LIFR: variants seen among roughly 807,000 people sequenced by gnomAD.
LIFR encodes LIF receptor subunit alpha.
Under a neutral mutation model 122.2 loss-of-function variants are expected in LIFR, and 84 were observed. The observed-to-expected ratio is 0.69, with a 90% CI of 0.58 to 0.82. The LOEUF is 0.82. Ranked by LOEUF, LIFR falls within the 40% of genes least tolerant of loss-of-function variation. The pLI is 0.00. For missense variants in LIFR, 1,294 were observed against 1,311.6 expected, an observed-to-expected ratio of 0.99 and a Z score of 0.21; for synonymous variants, 422 against 434.7, an observed-to-expected ratio of 0.97 and a Z score of 0.36.
chr5:38,504,414 C>CCAAAA (rs1745345230), intron 9 of LIFR, among the ~76,000 whole-genome samples: 1 of 28,234 alleles, frequency 3.5e-5, no homozygotes, highest in African/African-American at 2.1e-4. Context: ...TAGGGAATGA[C>CCAAAA]CAAAAAAAAA....
chr5:38,528,873 CACACAG>C (rs1013352077), intron 2 of LIFR, 33 bp from the exon 3 acceptor site: 15 of 494,216 alleles, frequency 3.0e-5, no homozygotes, highest in East Asian at 1.4e-4. Flanking sequence ...CACACACACA[CACACAG>C]ACACACATAA....
At position 38,486,143 on chromosome 5, in the gene LIFR, G is replaced by A. The variant is rs138899075; in HGVS notation, c.2336-163C>T. On this transcript the variant is annotated intron_variant, in intron 16 of 19. Coordinates refer to ENST00000453190, the MANE Select transcript of LIFR (RefSeq NM_001127671.2). Reference sequence around the variant, plus strand: ...TACCTTGTTCAAGCTCTACCCCCACGCCAGTCATTAGCTGTGTCGTATGGG... The same window carrying A: ...TACCTTGTTCAAGCTCTACCCCCACACCAGTCATTAGCTGTGTCGTATGGG... Among the ~76,000 whole-genome samples the A allele has an allele frequency of 3.2e-3, 488 of 152,208 alleles. 6 individuals carry two copies. Among genetic ancestry groups the A allele is most frequent in the African/African-American group, 0.011 (447 of 41,520 alleles).
intron 1 of LIFR, among the ~76,000 whole-genome samples, chr5:38,542,688 G>A (rs988263129): frequency 3.9e-5 from 6 of 152,102 alleles, no homozygotes; most frequent in African/African-American, 7.2e-5. Flanking sequence ...CAGTGGCCCC[G>A]TGCTTAAGTT....
intron 5 of LIFR, among the ~76,000 whole-genome samples, chr5:38,518,016 A>G (rs1314437181): frequency 6.6e-6 from 1 of 150,898 alleles, no homozygotes; most frequent in East Asian, 1.9e-4. Flanking sequence ...TACTCAGGAC[A>G]CTGAGGCAAA....
At chr5:38,494,809 T>C (rs1285167141) in intron 13 of LIFR, among the ~76,000 whole-genome samples, 6 of 152,096 alleles carry the variant, frequency 3.9e-5, no homozygotes, top group African/African-American at 1.4e-4. Context: ...GATGCAGCCA[T>C]GGGAGAGTAC....
chr5:38,544,971 T>TA (rs1250600206), intron 1 of LIFR, among the ~76,000 whole-genome samples: 1 of 152,170 alleles, frequency 6.6e-6, no homozygotes, highest in Non-Finnish European at 1.5e-5. Flanking sequence ...TAATATAAGT[T>TA]AAAAAACTTA....
Position 38,553,869 on chromosome 5 carries a change from A to G in LIFR, c.-20+2465T>C, listed in dbSNP as rs183117188. On this transcript the variant is annotated intron_variant, in intron 1 of 19. Transcript: ENST00000453190. ...TCAAGAGCATGCTGACGAGACCCCA[A>G]TTTTTTTGTTTTAAAGAAAAGCAAG... Among the ~76,000 whole-genome samples the G allele has an allele frequency of 1.1e-3, 160 of 151,322 alleles. 1 individual carries two copies. Among genetic ancestry groups the G allele is most frequent in the South Asian group, 4.2e-3 (20 of 4,786 alleles).
intron 4 of LIFR, among the ~76,000 whole-genome samples, chr5:38,524,402 CAG>C (rs907868620): frequency 8.5e-5 from 13 of 152,114 alleles, no homozygotes; most frequent in African/African-American, 2.4e-4. Context: ...GGGATTGAGA[CAG>C]GGGATAAGGT....
At chr5:38,509,542 C>A (rs1745679793) in intron 7 of LIFR, among the ~76,000 whole-genome samples, 2 of 152,094 alleles carry the variant, frequency 1.3e-5, no homozygotes, top group African/African-American at 4.8e-5. Context: ...AGCTGCTGAT[C>A]TAGACCACAG....
intron 1 of LIFR, among the ~76,000 whole-genome samples, chr5:38,539,023 C>T (rs184224728): frequency 3.6e-4 from 55 of 152,090 alleles, no homozygotes; most frequent in Admixed American, 6.5e-4. Context: ...TGCAGTGGCG[C>T]GATCTCGGCT....
At chr5:38,501,665 C>T (rs887201570) in intron 11 of LIFR, among the ~76,000 whole-genome samples, 8 of 152,056 alleles carry the variant, frequency 5.3e-5, no homozygotes, top group African/African-American at 1.4e-4. Flanking sequence ...CACTTGAACC[C>T]GGGAGGCGGA....
At chr5:38,493,516 A>G (rs1422386791) in intron 14 of LIFR, 90 bp downstream of exon 14, 1 of 1,237,574 alleles carries the variant, frequency 8.1e-7, no homozygotes. Flanking sequence ...ATCCAGCAGT[A>G]AAGAGAATCA....
rs1354178551 is a variant in LIFR at position 38,552,652 on chromosome 5, T to C, written c.-20+3682A>G. 2.0e-5 allele frequency among the ~76,000 whole-genome samples: 3 copies of C among 152,336 alleles called. No individual in the cohort carries two copies. In the East Asian group the frequency reaches 5.8e-4, roughly 29 times the overall value. ...TATAATTTACTGAAAAGGTTTGTTT[T>C]TAAGGTTTTACACTTGAATTTCATG... On this transcript the variant is annotated intron_variant, in intron 1 of 19. Coordinates refer to ENST00000453190, the MANE Select transcript of LIFR (RefSeq NM_001127671.2).
chr5:38,595,825 C>T (rs749416975), upstream of LIFR, among the ~76,000 whole-genome samples: 31 of 151,260 alleles, frequency 2.0e-4, no homozygotes, highest in East Asian at 5.9e-4. Flanking sequence ...CTCCGCCTCC[C>T]GGGTTCCTGC....
intron 1 of LIFR, among the ~76,000 whole-genome samples, chr5:38,590,387 C>T (rs1749885924): frequency 6.6e-6 from 1 of 152,060 alleles, no homozygotes; most frequent in South Asian, 2.1e-4. Context: ...TTTCCTTGGA[C>T]CCTAGAGACC....
chr5:38,527,458 TAACTTTACC>T (rs1388956760), intron 3 of LIFR, among the ~76,000 whole-genome samples, 164 bp from the exon 4 acceptor site: 2 of 152,332 alleles, frequency 1.3e-5, no homozygotes, highest in East Asian at 3.9e-4. Flanking sequence ...AGATTGATAG[TAACTTTACC>T]AATGTGGGGG....
At chr5:38,534,938 ATT>A (rs1275053214) in intron 1 of LIFR, among the ~76,000 whole-genome samples, 1 of 152,150 alleles carries the variant, frequency 6.6e-6, no homozygotes, top group Admixed American at 6.5e-5. Context: ...AGTGAAAATT[ATT>A]TTCACACTTG....
chr5:38,474,676 A>C lies in LIFR; in HGVS notation c.*6919T>G, dbSNP rs1743648421. 6.6e-6 allele frequency among the ~76,000 whole-genome samples: 1 copy of C among 152,186 alleles called. No homozygotes were observed. The highest frequency in any genetic ancestry group is 2.4e-5 in the African/African-American group (1 of 41,436). ...ACATAAACTAAAAACCATTACTTTA[A>C]AGACCAGTATTTATTATTTATTTGC... On this transcript the variant is annotated 3_prime_UTR_variant, in exon 20 of 20. Coordinates refer to ENST00000453190, the MANE Select transcript of LIFR (RefSeq NM_001127671.2).
intron 12 of LIFR, among the ~76,000 whole-genome samples, chr5:38,497,528 A>C: frequency 6.6e-6 from 1 of 152,340 alleles, no homozygotes; most frequent in East Asian, 1.9e-4. Flanking sequence ...AAAACATTTT[A>C]AAAAATAGCA....
Sources: gnomAD v4.1 joint callset for allele counts (sites outside exome capture counted in the v4.1 genomes callset) on GRCh38, gnomAD v4.1.1 for gene constraint, MANE v1.5 for transcripts, NCBI Gene and HGNC (gene_info 2026-07-23, HGNC 2026-07-21) for gene names.